The following ACSL1 variants were observed in gnomAD, a reference collection of about 807,000 sequenced individuals.
ACSL1 encodes acyl-CoA synthetase long chain family member 1, also known as long-chain-fatty-acid--CoA ligase 1.
In ACSL1, 41 loss-of-function variants were observed where a neutral mutation model predicts 98.4. The observed-to-expected ratio is 0.42, with a 90% CI of 0.32 to 0.54. The LOEUF (loss-of-function observed/expected upper bound fraction) is 0.54, where lower values mean the gene tolerates loss of function less well. Among genes scored for constraint, ACSL1 ranks in the 20% least tolerant of loss-of-function variants. The probability of loss-of-function intolerance (pLI) is 0.13; values close to 1 mark genes in which losing one functional copy is unlikely to be tolerated. For missense variants in ACSL1, 734 were observed against 883.1 expected, an observed-to-expected ratio of 0.83 and a Z score of 2.14; for synonymous variants, 316 against 322.7, an observed-to-expected ratio of 0.98 and a Z score of 0.22.
At chr4:184,772,537 T>G (rs1381701041) in intron 10 of ACSL1, among the ~76,000 whole-genome samples, 1 of 152,222 alleles carries the variant, frequency 6.6e-6, no homozygotes, top group Non-Finnish European at 1.5e-5. Flanking sequence ...GTCAACATCC[T>G]AACTCCCAAT....
chr4:184,805,367 T>C, intron 1 of ACSL1: 1 of 584,968 alleles, frequency 1.7e-6, no homozygotes, highest in Non-Finnish European at 2.2e-6. Flanking sequence ...CAATCTCTGC[T>C]ACAATGAATC....
intron 1 of ACSL1, among the ~76,000 whole-genome samples, chr4:184,822,685 C>T (rs534713900): frequency 1.3e-5 from 2 of 151,604 alleles, no homozygotes; most frequent in South Asian, 2.1e-4. Context: ...GAGGCTGCAA[C>T]GAGCCATGAT....
intron 1 of ACSL1, among the ~76,000 whole-genome samples, chr4:184,815,616 G>C (rs1354353929): frequency 6.6e-6 from 1 of 152,088 alleles, no homozygotes; most frequent in Non-Finnish European, 1.5e-5. Context: ...AAAGGGCAAA[G>C]GTTGGGTAGA....
intron 2 of ACSL1, among the ~76,000 whole-genome samples, chr4:184,800,083 T>C (rs1714031955): frequency 6.6e-6 from 1 of 152,150 alleles, no homozygotes; most frequent in Non-Finnish European, 1.5e-5. Context: ...AGTTTTCTTG[T>C]GTATAAAATA....
At chr4:184,767,108 C>T (rs1019690281) in intron 12 of ACSL1, among the ~76,000 whole-genome samples, 1 of 151,834 alleles carries the variant, frequency 6.6e-6, no homozygotes, top group Non-Finnish European at 1.5e-5. Flanking sequence ...ATGGTAAGAC[C>T]CCATCTCTAC....
chr4:184,821,413 A>G (rs1034802726), intron 1 of ACSL1: 1 of 181,124 alleles, frequency 5.5e-6, no homozygotes, highest in Non-Finnish European at 1.2e-5. Flanking sequence ...GCCTACATTT[A>G]TCAGAAGTCC....
At chr4:184,775,095 C>T (rs1579867138) in intron 7 of ACSL1, among the ~76,000 whole-genome samples, 1 of 152,122 alleles carries the variant, frequency 6.6e-6, no homozygotes, top group African/African-American at 2.4e-5. Context: ...ACTGTTGCCG[C>T]AAAAGTTTCA....
Position 184,825,503 on chromosome 4 carries a change from CG to C in ACSL1, c.-33+412del, listed in dbSNP as rs1252345874. ...CCCGCGAGCCCGGCCTCTGGGCAGG[CG>C]GGGGCCGCGGACGAGGGCAACGTCA... On this transcript the variant is annotated intron_variant, in intron 1 of 20. Coordinates refer to ENST00000281455, the MANE Select transcript of ACSL1 (RefSeq NM_001995.5). This position sits in a 1 kb window ranked among gnomAD's most constrained non-coding sequence, Gnocchi z 4.7. Among the ~76,000 whole-genome samples the C allele has an allele frequency of 1.3e-5, 2 of 151,816 alleles. No individual in the cohort carries two copies. Among genetic ancestry groups the C allele is most frequent in the African/African-American group, 4.8e-5 (2 of 41,392 alleles).
chr4:184,771,332 C>A (rs1185605353), intron 10 of ACSL1, among the ~76,000 whole-genome samples: 1 of 151,852 alleles, frequency 6.6e-6, no homozygotes, highest in Non-Finnish European at 1.5e-5. Flanking sequence ...AATACAGGAC[C>A]CATTTCAACA....
rs1766047884 is a variant in ACSL1, at chr4:184,780,398, C to T, written c.411G>A (p.Leu137=). ...AELSECIGSA[L]IQKGFKTAPD... ...GGGCAGTCTTGAAGCCCTTCTGGATCAGTGCTGAGCCTATGCACTCCGACA... is the reference window on the plus strand; with the variant it reads ...GGGCAGTCTTGAAGCCCTTCTGGATTAGTGCTGAGCCTATGCACTCCGACA... Residue 137 remains leucine, a synonymous_variant, in exon 5 of 21, where the codon CTG becomes CTA. Coordinates refer to ENST00000281455, the MANE Select transcript of ACSL1 (RefSeq NM_001995.5). The T allele has an allele frequency of 6.2e-7, 1 of 1,613,518 alleles. No individual in the cohort carries two copies. The highest frequency in any genetic ancestry group is 2.2e-5 in the East Asian group (1 of 44,882).
Position 184,757,135 on chromosome 4 carries a change from A to C in ACSL1, c.2087T>G (p.Ile696Ser). Reference protein sequence around the residue: ...RSQIDDLYSTIKV With the variant: ...RSQIDDLYSTSKV ...GCTTTCTTCTTCACACTAAACCTTG[A>C]TAGTGGAATAGAGGTCATCTATCTG... The change falls in exon 21 of 21, where the codon ATC becomes AGC. Residue 696 changes from isoleucine (I) to serine (S), a missense_variant. Physicochemically the swap from Ile to Ser is moderately radical, Grantham distance 142. Transcript: ENST00000281455. The surrounding 1 kb of genome is among the most constrained non-coding windows in gnomAD (Gnocchi z 4.5). 6.3e-7 allele frequency: 1 copy of C among 1,588,696 alleles called. No individual in the cohort carries two copies. Among genetic ancestry groups the C allele is most frequent in the South Asian group, 1.1e-5 (1 of 89,984 alleles).
chr4:184,782,043 CCTGG>C (rs1460475419), intron 4 of ACSL1, among the ~76,000 whole-genome samples: 1 of 152,162 alleles, frequency 6.6e-6, no homozygotes, highest in African/African-American at 2.4e-5. Context: ...TTGGCACCAT[CCTGG>C]CCCTGCCTAT....
At chr4:184,808,305 T>A in intron 1 of ACSL1, 1 of 985,314 alleles carries the variant, frequency 1.0e-6, no homozygotes, top group Non-Finnish European at 1.2e-6. Context: ...AACATTGTAT[T>A]CTCTTCATGT....
intron 2 of ACSL1, among the ~76,000 whole-genome samples, chr4:184,792,515 C>T (rs562326005): frequency 1.5e-4 from 23 of 152,238 alleles, no homozygotes; most frequent in East Asian, 3.9e-4. Flanking sequence ...AGCTCACTGC[C>T]GTCTCAACCG....
chr4:184,777,205 C>CA (rs1158543116), intron 5 of ACSL1, among the ~76,000 whole-genome samples: 3 of 152,258 alleles, frequency 2.0e-5, no homozygotes, highest in African/African-American at 7.2e-5. Flanking sequence ...CACTGACTCA[C>CA]ACCAGTGATC....
In ACSL1 at chr4:184,811,699, T is replaced by A. The variant is rs1293115234; in HGVS notation, c.-32-8153A>T. ...TGCTGAACGGGCACAGAGTTTCAATTCGGGATGACGAAACATTCTGGAACT... is the reference window on the plus strand; with the variant it reads ...TGCTGAACGGGCACAGAGTTTCAATACGGGATGACGAAACATTCTGGAACT... On this transcript the variant is annotated intron_variant, in intron 1 of 20. Transcript: ENST00000281455. Among the ~76,000 whole-genome samples, 3 of 151,990 alleles carry A rather than the reference T, an allele frequency of 2.0e-5. No individual in the cohort carries two copies. In the East Asian group the frequency reaches 5.8e-4, roughly 29 times the overall value.
chr4:184,756,929 G>T lies in ACSL1; in HGVS notation c.*196C>A. 1 of 573,442 alleles carries T rather than the reference G, an allele frequency of 1.7e-6. No individual in the cohort carries two copies. The highest frequency in any genetic ancestry group is 2.9e-6 in the Non-Finnish European group (1 of 346,778). The allele number at this position is 573,442 out of a possible 1,614,324, so 35.5% of individuals were successfully genotyped here. On this transcript the variant is annotated 3_prime_UTR_variant, in exon 21 of 21. Coordinates refer to ENST00000281455, the MANE Select transcript of ACSL1 (RefSeq NM_001995.5). ...GAAAGTGTGTATTACCATAAACATG[G>T]TCTGCAACATGAGGTGACTGTAAGG...
Position 184,757,327 on chromosome 4 carries a change from C to G in ACSL1, c.1957-62G>C. 1.9e-6 allele frequency: 3 copies of G among 1,546,204 alleles called. No individual in the cohort carries two copies. The highest frequency in any genetic ancestry group is 2.6e-6 in the Non-Finnish European group (3 of 1,140,196). On this transcript the variant is annotated intron_variant, in intron 20 of 20. Transcript: ENST00000281455. The surrounding 1 kb of genome is among the most constrained non-coding windows in gnomAD (Gnocchi z 4.5). ...ACACGGGCCACCAGTCTCAAAAGCACGTAAGCCTTGGAGGGGATCAACACT... is the reference window on the plus strand; with the variant it reads ...ACACGGGCCACCAGTCTCAAAAGCAGGTAAGCCTTGGAGGGGATCAACACT...
chr4:184,812,433 C>T (rs781733031), intron 1 of ACSL1, among the ~76,000 whole-genome samples: 3 of 152,128 alleles, frequency 2.0e-5, no homozygotes, highest in Non-Finnish European at 4.4e-5. Flanking sequence ...CATTTTCCAA[C>T]TTCAGTAGTC....
Sources: gnomAD v4.1 joint callset for allele counts (sites outside exome capture counted in the v4.1 genomes callset) on GRCh38, gnomAD v4.1.1 for gene constraint, Gnocchi (gnomAD v3.1) non-coding constraint, MANE v1.5 for transcripts, NCBI Gene and HGNC (gene_info 2026-07-23, HGNC 2026-07-21) for gene names.